CPNE4: variants seen among roughly 807,000 people sequenced by gnomAD.
The protein encoded by CPNE4 is copine 4.
In CPNE4, 25 loss-of-function variants were observed where a neutral mutation model predicts 67.9. The ratio of observed to expected loss-of-function variants is 0.37; its 90% CI spans 0.27 to 0.51. CPNE4 has a LOEUF of 0.51. Among genes scored for constraint, CPNE4 ranks in the 20% least tolerant of loss-of-function variants. The pLI, the probability that CPNE4 is intolerant of heterozygous loss-of-function variation, is 0.93. For missense variants in CPNE4, 464 were observed against 690.8 expected, an observed-to-expected ratio of 0.67 and a Z score of 3.68; for synonymous variants, 242 against 244.9, an observed-to-expected ratio of 0.99 and a Z score of 0.11.
chr3:131,643,495 G>A (rs907343666), intron 7 of CPNE4, among the ~76,000 whole-genome samples: 1 of 152,174 alleles, frequency 6.6e-6, no homozygotes, highest in Non-Finnish European at 1.5e-5. Context: ...ATAGGCAAAA[G>A]GGATCAGATG....
At chr3:131,629,400 T>C (rs934897012) in intron 7 of CPNE4, among the ~76,000 whole-genome samples, 1 of 152,004 alleles carries the variant, frequency 6.6e-6, no homozygotes, top group Non-Finnish European at 1.5e-5. Context: ...TCTTTTTTTT[T>C]CAGACATAAT....
rs372211720 is a variant in CPNE4, at chr3:131,587,398, T to G, written c.780+86A>C. 22 of 828,018 alleles carry G rather than the reference T, an allele frequency of 2.7e-5. No homozygotes were observed. In the East Asian group the frequency reaches 3.4e-4, roughly 13 times the overall value. 51.3% of individuals were successfully genotyped at this position (828,018 alleles called of 1,614,324 possible). A position where few individuals can be genotyped will look rare whatever the true frequency, so the allele number is the denominator to read the frequency against. Reference sequence around the variant, plus strand: ...TCACACTTAATCATACATTGATGTTTTGCCTCTTGCTGTTTCATTGGTAGC... The same window carrying G: ...TCACACTTAATCATACATTGATGTTGTGCCTCTTGCTGTTTCATTGGTAGC... On this transcript the variant is annotated intron_variant, in intron 8 of 15. Coordinates refer to ENST00000429747, the MANE Select transcript of CPNE4 (RefSeq NM_130808.3).
chr3:131,978,134 A>C (rs1194968782), intron 1 of CPNE4, among the ~76,000 whole-genome samples: 6 of 80,592 alleles, frequency 7.4e-5, no homozygotes, highest in African/African-American at 1.2e-4. Flanking sequence ...ATATATATTT[A>C]TATAAATATA....
chr3:131,788,349 G>A (rs1245867961), intron 2 of CPNE4, among the ~76,000 whole-genome samples: 1 of 152,072 alleles, frequency 6.6e-6, no homozygotes, highest in Non-Finnish European at 1.5e-5. Flanking sequence ...AATGGCAAAT[G>A]ATATTGAATG....
chr3:131,929,987 C>T (rs2071009005), intron 1 of CPNE4, among the ~76,000 whole-genome samples: 1 of 152,260 alleles, frequency 6.6e-6, no homozygotes, highest in African/African-American at 2.4e-5. Flanking sequence ...TCTGCAAGTG[C>T]TATTACAAAT....
At chr3:131,537,082 C>T (rs912814212) in intron 15 of CPNE4, among the ~76,000 whole-genome samples, 7 of 151,872 alleles carry the variant, frequency 4.6e-5, no homozygotes, top group African/African-American at 1.7e-4. Flanking sequence ...GGACTCAGGG[C>T]TACACATGCA....
At chr3:131,772,243 C>A (rs1323134109) in intron 2 of CPNE4, among the ~76,000 whole-genome samples, 1 of 151,808 alleles carries the variant, frequency 6.6e-6, no homozygotes, top group African/African-American at 2.4e-5. Context: ...CTACACCATG[C>A]CAAGAAAGTG....
intron 1 of CPNE4, among the ~76,000 whole-genome samples, chr3:131,971,944 G>A (rs1176592709): frequency 6.6e-6 from 1 of 152,132 alleles, no homozygotes; most frequent in Non-Finnish European, 1.5e-5. Context: ...CTTGCATTTA[G>A]CTCAGTGTCT....
intron 6 of CPNE4, among the ~76,000 whole-genome samples, chr3:131,670,118 T>C (rs2080371175): frequency 6.6e-6 from 1 of 152,178 alleles, no homozygotes; most frequent in Non-Finnish European, 1.5e-5. Flanking sequence ...TGTAGGACTG[T>C]CAGTCTTACA....
chr3:131,929,722 T>C (rs2107827841), intron 1 of CPNE4, among the ~76,000 whole-genome samples: 1 of 152,256 alleles, frequency 6.6e-6, no homozygotes, highest in South Asian at 2.1e-4. Context: ...CCTCTATTTT[T>C]GGAAAGCTCA....
At chr3:131,599,719 G>T (rs1248780706) in intron 7 of CPNE4, among the ~76,000 whole-genome samples, 2 of 152,144 alleles carry the variant, frequency 1.3e-5, no homozygotes, top group Non-Finnish European at 2.9e-5. Flanking sequence ...TCTTCTGATG[G>T]ACTCAACCTA....
chr3:131,926,120 G>A (rs2070886400), intron 1 of CPNE4, among the ~76,000 whole-genome samples: 2 of 152,138 alleles, frequency 1.3e-5, no homozygotes, highest in South Asian at 4.1e-4. Context: ...GAGCTGTTGG[G>A]CTCTCTCTGA....
chr3:131,597,115 A>G (rs899818299), intron 7 of CPNE4, among the ~76,000 whole-genome samples: 2 of 152,228 alleles, frequency 1.3e-5, no homozygotes, highest in African/African-American at 2.4e-5. Flanking sequence ...TAATCCTCTC[A>G]GTGAGACATT....
chr3:131,803,196 T>C (rs555375044), intron 2 of CPNE4, among the ~76,000 whole-genome samples: 5 of 152,324 alleles, frequency 3.3e-5, no homozygotes, highest in African/African-American at 9.6e-5. Context: ...TTACATAATG[T>C]CCTAGAGGGA....
chr3:131,763,724 A>AT lies in CPNE4; in HGVS notation c.181-40100dup, dbSNP rs34439308. 9.9e-3 allele frequency among the ~76,000 whole-genome samples: 1,506 copies of AT among 152,236 alleles called. 64 individuals carry two copies. The East Asian group carries it at 0.11, about 11-fold the overall frequency. On this transcript the variant is annotated intron_variant, in intron 2 of 15. Coordinates refer to ENST00000429747, the MANE Select transcript of CPNE4 (RefSeq NM_130808.3). ...TTCTCCTACACTGTGTAGGGGATAT[A>AT]TTTTTTGGAGGAAAATTCAACAATA...
At chr3:131,971,044 A>T (rs984684033) in intron 1 of CPNE4, among the ~76,000 whole-genome samples, 1 of 152,214 alleles carries the variant, frequency 6.6e-6, no homozygotes, top group Non-Finnish European at 1.5e-5. Flanking sequence ...TATGGCATAG[A>T]TGAGGTCACT....
chr3:131,712,783 G>A (rs2081590639), intron 3 of CPNE4, among the ~76,000 whole-genome samples: 1 of 152,242 alleles, frequency 6.6e-6, no homozygotes, highest in East Asian at 1.9e-4. Context: ...GCTGACAATC[G>A]AGAAGGTGCA....
At chr3:131,604,080 G>C (rs1439023570) in intron 7 of CPNE4, among the ~76,000 whole-genome samples, 1 of 151,898 alleles carries the variant, frequency 6.6e-6, no homozygotes, top group Non-Finnish European at 1.5e-5. Flanking sequence ...CTTATTAATA[G>C]AGCCCCACAC....
At chr3:131,588,918 C>A (rs888438813) in intron 7 of CPNE4, among the ~76,000 whole-genome samples, 1 of 152,140 alleles carries the variant, frequency 6.6e-6, no homozygotes, top group Non-Finnish European at 1.5e-5. Flanking sequence ...GTACTCCTAT[C>A]CCCCTTATAA....
Sources: allele counts gnomAD v4.1 joint callset (sites outside exome capture counted in the v4.1 genomes callset), GRCh38; gene constraint gnomAD v4.1.1; transcripts MANE v1.5; gene names NCBI Gene and HGNC (gene_info 2026-07-23, HGNC 2026-07-21).